TRIM37: variants seen among roughly 807,000 people sequenced by gnomAD.
TRIM37 encodes tripartite motif containing 37, also known as E3 ubiquitin-protein ligase TRIM37.
In TRIM37, 80 loss-of-function variants were observed where a neutral mutation model predicts 129.8. That is an observed-to-expected ratio of 0.62 (90% confidence interval 0.51 to 0.74). The LOEUF is 0.74. Among genes scored for constraint, TRIM37 ranks in the 30% least tolerant of loss-of-function variants. TRIM37 has a pLI of 0.00. For missense variants in TRIM37, 1,054 were observed against 1,176.5 expected, an observed-to-expected ratio of 0.90 and a Z score of 1.52; for synonymous variants, 389 against 387.1, an observed-to-expected ratio of 1.00 and a Z score of -0.06.
the TRIM37 span, among the ~76,000 whole-genome samples, chr17:58,971,757 C>G: frequency 1.3e-5 from 2 of 152,114 alleles, no homozygotes; most frequent in Non-Finnish European, 2.9e-5. Context: ...AATTTTTACT[C>G]TGAGGATTGG....
intron 5 of TRIM37, among the ~76,000 whole-genome samples, chr17:59,081,964 A>AAAAAAAAAAAAAAAAAAAAAAT (rs1568200247): frequency 2.3e-5 from 2 of 87,224 alleles, no homozygotes; most frequent in African/African-American, 5.1e-5. Context: ...AAAAAAAAAA[A>AAAAAAAAAAAAAAAAAAAAAAT]AATAATAATA....
At chr17:58,983,143 TC>T (rs2031472587) in intron 24 of TRIM37, 1 of 479,490 alleles carries the variant, frequency 2.1e-6, no homozygotes, top group East Asian at 3.2e-5. Context: ...CACAGACCCA[TC>T]TTTAGGGGTC....
At chr17:58,972,975 T>C in the TRIM37 span, 1 of 1,317,900 alleles carries the variant, frequency 7.6e-7, no homozygotes, top group East Asian at 2.3e-5. Flanking sequence ...TCTAGCTCAT[T>C]CTCCTGTATC....
At chr17:59,024,919 C>A (rs1202570522) in intron 19 of TRIM37, among the ~76,000 whole-genome samples, 1 of 152,116 alleles carries the variant, frequency 6.6e-6, no homozygotes, top group Non-Finnish European at 1.5e-5. Context: ...ATTTTGAAAA[C>A]CAAGAACAGA....
intron 3 of TRIM37, 119 bp downstream of exon 3, chr17:59,091,181 A>T: frequency 1.9e-6 from 1 of 537,448 alleles, no homozygotes; most frequent in Non-Finnish European, 3.3e-6. Flanking sequence ...TTTCTACTCA[A>T]CTATCTTCAC....
downstream of TRIM37, chr17:58,980,648 G>A (rs1401439602): frequency 6.2e-7 from 1 of 1,614,166 alleles, no homozygotes; most frequent in Non-Finnish European, 8.5e-7. The surrounding 1 kb of genome is among the most constrained non-coding windows in gnomAD (Gnocchi z 4.7). Context: ...GTTTCCCACT[G>A]CTTTCAATTT....
At chr17:59,071,228 C>G (rs1011010090) in intron 8 of TRIM37, among the ~76,000 whole-genome samples, 12 of 150,362 alleles carry the variant, frequency 8.0e-5, no homozygotes, top group Admixed American at 7.9e-4. Flanking sequence ...TACTTTCAGG[C>G]TGGTACAGTG....
chr17:59,073,258 T>C (rs962223631), intron 8 of TRIM37: 1 of 152,188 alleles, frequency 6.6e-6, no homozygotes, highest in African/African-American at 2.4e-5. Flanking sequence ...TATCAGGCTA[T>C]ATCACCATGT....
At chr17:59,069,853 C>T (rs1180752451) in intron 9 of TRIM37, among the ~76,000 whole-genome samples, 1 of 152,180 alleles carries the variant, frequency 6.6e-6, no homozygotes, top group East Asian at 1.9e-4. Flanking sequence ...AGACTGATCT[C>T]TCTCCAAGCA....
intron 16 of TRIM37, among the ~76,000 whole-genome samples, chr17:59,043,000 C>T (rs2039420864): frequency 6.6e-6 from 1 of 151,864 alleles, no homozygotes; most frequent in African/African-American, 2.4e-5. Context: ...TAAAACACTA[C>T]ATGTAGTGTT....
At chr17:59,049,721 C>T (rs1452404470) in intron 14 of TRIM37, among the ~76,000 whole-genome samples, 1 of 152,058 alleles carries the variant, frequency 6.6e-6, no homozygotes, top group Non-Finnish European at 1.5e-5. Flanking sequence ...TGGTTTTGAA[C>T]CCCTGGGCTC....
At chr17:59,069,071 G>C (rs1416345454) in intron 9 of TRIM37, among the ~76,000 whole-genome samples, 1 of 152,194 alleles carries the variant, frequency 6.6e-6, no homozygotes, top group Non-Finnish European at 1.5e-5. Flanking sequence ...ATGCGGCCAG[G>C]CATGGTGGCT....
chr17:59,014,981 G>T (rs978411166), intron 21 of TRIM37, among the ~76,000 whole-genome samples: 1 of 151,114 alleles, frequency 6.6e-6, no homozygotes, highest in African/African-American at 2.4e-5. Context: ...AGAGGCTGAG[G>T]TAGGAGAATG....
chr17:59,081,848 A>G (rs1275950060), intron 5 of TRIM37, among the ~76,000 whole-genome samples: 2 of 150,400 alleles, frequency 1.3e-5, no homozygotes, highest in East Asian at 3.9e-4. Flanking sequence ...CAGAGCTTAC[A>G]GTGAGCTGTG....
intron 22 of TRIM37, among the ~76,000 whole-genome samples, chr17:59,005,243 A>G (rs957123417): frequency 1.3e-5 from 2 of 152,202 alleles, no homozygotes; most frequent in Admixed American, 6.5e-5. Flanking sequence ...TATTCTTTTA[A>G]AAAAGTTATT....
At chr17:59,044,323 G>A (rs754182691) in intron 16 of TRIM37, among the ~76,000 whole-genome samples, 12 of 151,740 alleles carry the variant, frequency 7.9e-5, no homozygotes, top group South Asian at 2.1e-4. Flanking sequence ...AAATAAAGCC[G>A]GCCGGGTGCT....
intron 16 of TRIM37, among the ~76,000 whole-genome samples, chr17:59,042,449 A>ATATATAT (rs1302050122): frequency 8.1e-4 from 29 of 36,012 alleles, no homozygotes; most frequent in African/African-American, 2.9e-3. Context: ...AAAAAAAAAA[A>ATATATAT]ATATATATAT....
rs1435493890 is a variant in TRIM37 at position 59,049,183 on chromosome 17, A to G, written c.1525T>C (p.Tyr509His). 21 of 1,613,714 alleles carry G rather than the reference A, an allele frequency of 1.3e-5. No individual in the cohort carries two copies. The highest frequency in any genetic ancestry group is 1.7e-5 in the Non-Finnish European group (20 of 1,179,764). Residue 509 changes from tyrosine to histidine, a missense_variant, in exon 15 of 24, where the codon TAT becomes CAT. Around this residue, in one of 3 missense-constraint regions of TRIM37, gnomAD observed 752 missense variants for 870.8 expected, o/e 0.86. Transcript: ENST00000262294. ...EDEEKIQNED[Y>H]HHELSDGDLD... is the part of the protein sequence containing the mutation. Reference sequence around the variant, plus strand: ...AAAACTGGCCTCATTATTACATGATAATCTTCATTCTGAATCTTCTCCTCA... The same window carrying G: ...AAAACTGGCCTCATTATTACATGATGATCTTCATTCTGAATCTTCTCCTCA...
At position 59,056,976 on chromosome 17, in the gene TRIM37, G is replaced by A. The variant is rs2040998884; in HGVS notation, c.1098C>T (p.Asp366=). The A allele has an allele frequency of 1.2e-6, 2 of 1,613,758 alleles. No homozygotes were observed. Among genetic ancestry groups the A allele is most frequent in the Non-Finnish European group, 1.7e-6 (2 of 1,179,878 alleles). The change falls in exon 13 of 24, where the codon GAC becomes GAT. Residue 366 remains aspartate (D), a synonymous_variant. Coordinates refer to ENST00000262294, the MANE Select transcript of TRIM37 (RefSeq NM_015294.6). ...TKNIIREFAS[D]FEVGECWGYN... ...AGCCCCAGCATTCTCCAACTTCAAA[G>A]TCAGATGCAAATTCTCGAATGATAT...
Sources: allele counts gnomAD v4.1 joint callset (sites outside exome capture counted in the v4.1 genomes callset), GRCh38; gene constraint gnomAD v4.1.1; regional missense constraint gnomAD v4.1.1; non-coding constraint Gnocchi (gnomAD v3.1); transcripts MANE v1.5; gene names NCBI Gene and HGNC (gene_info 2026-07-23, HGNC 2026-07-21).